The following KCNJ12 variants were observed in gnomAD, a reference collection of about 807,000 sequenced individuals.
KCNJ12 encodes the protein potassium inwardly rectifying channel subfamily J member 12.
Under a neutral mutation model 22.3 loss-of-function variants are expected in KCNJ12, and 2 were observed. That is an observed-to-expected ratio of 0.09 (90% CI 0.04 to 0.28). KCNJ12 has a LOEUF of 0.28. Among genes scored for constraint, KCNJ12 ranks in the 10% least tolerant of loss-of-function variants. The probability of loss-of-function intolerance (pLI) is 1.00; values close to 1 mark genes in which losing one functional copy is unlikely to be tolerated. For synonymous variants in KCNJ12, 117 were observed against 261.4 expected (o/e 0.45, Z 5.33); for missense variants, 155 against 633.3 (o/e 0.24, Z 8.11).
At chr17:21,384,366 G>A (rs1555558406) in intron 1 of KCNJ12, among the ~76,000 whole-genome samples, 1 of 152,172 alleles carries the variant, frequency 6.6e-6, no homozygotes, top group Non-Finnish European at 1.5e-5. Flanking sequence ...GCTGCGTTGA[G>A]ACAGAGATCC....
chr17:21,391,120 T>C (rs1239915065), intron 1 of KCNJ12, among the ~76,000 whole-genome samples: 1 of 152,224 alleles, frequency 6.6e-6, no homozygotes, highest in Non-Finnish European at 1.5e-5. Flanking sequence ...TCGGCCCTGG[T>C]GTGCTGTGCA....
intron 1 of KCNJ12, among the ~76,000 whole-genome samples, chr17:21,381,218 A>C (rs1904856173): frequency 6.6e-6 from 1 of 152,026 alleles, no homozygotes; most frequent in Admixed American, 6.6e-5. Flanking sequence ...TGGGCAGCCA[A>C]AGCCTCCCTC....
intron 1 of KCNJ12, among the ~76,000 whole-genome samples, chr17:21,395,906 G>A (rs1905347332): frequency 6.6e-6 from 1 of 152,234 alleles, no homozygotes; most frequent in Admixed American, 6.5e-5. Flanking sequence ...TTGGTGGGCA[G>A]GGCCATTTCC....
At chr17:21,386,767 A>G (rs1251382180) in intron 1 of KCNJ12, among the ~76,000 whole-genome samples, 1 of 152,116 alleles carries the variant, frequency 6.6e-6, no homozygotes, top group African/African-American at 2.4e-5. Context: ...TGGCCTCCCA[A>G]AGTGCTAGGA....
At chr17:21,414,172 C>T (rs1467454029) in intron 2 of KCNJ12, among the ~76,000 whole-genome samples, 2 of 152,280 alleles carry the variant, frequency 1.3e-5, no homozygotes, top group Non-Finnish European at 2.9e-5. Context: ...CATTCTAGGC[C>T]CTGGGAAGGA....
intron 2 of KCNJ12, among the ~76,000 whole-genome samples, chr17:21,410,264 A>G (rs1597578657): frequency 6.6e-6 from 1 of 152,138 alleles, no homozygotes; most frequent in Non-Finnish European, 1.5e-5. Context: ...CTCACACCCT[A>G]TGTGACGGAG....
chr17:21,388,839 G>A (rs988780827), intron 1 of KCNJ12, among the ~76,000 whole-genome samples: 1 of 152,154 alleles, frequency 6.6e-6, no homozygotes, highest in Non-Finnish European at 1.5e-5. Context: ...GGGAAGCCTC[G>A]GTTCTCTAAA....
intron 1 of KCNJ12, among the ~76,000 whole-genome samples, chr17:21,397,214 G>A (rs1905396020): frequency 6.6e-6 from 1 of 152,186 alleles, no homozygotes; most frequent in Non-Finnish European, 1.5e-5. Flanking sequence ...CGTCCAATGG[G>A]GATAATAGCA....
intron 1 of KCNJ12, among the ~76,000 whole-genome samples, chr17:21,393,975 C>T (rs1437690093): frequency 3.9e-5 from 6 of 152,216 alleles, no homozygotes; most frequent in African/African-American, 1.4e-4. Context: ...ATGCCCCACC[C>T]ATAGGACCCA....
At chr17:21,379,617 C>T (rs1251568318) in intron 1 of KCNJ12, among the ~76,000 whole-genome samples, 2 of 152,202 alleles carry the variant, frequency 1.3e-5, no homozygotes, top group African/African-American at 4.8e-5. Flanking sequence ...GGAGGCTTGG[C>T]TGGCCACATG....
At chr17:21,413,247 G>T (rs1906478719) in intron 2 of KCNJ12, among the ~76,000 whole-genome samples, 1 of 110,852 alleles carries the variant, frequency 9.0e-6, no homozygotes, top group African/African-American at 2.7e-5. Context: ...TATGGGACTG[G>T]GACAAGTCCA....
intron 1 of KCNJ12, among the ~76,000 whole-genome samples, chr17:21,381,002 C>G (rs1904846234): frequency 6.6e-6 from 1 of 152,234 alleles, no homozygotes. Context: ...GACCCCCGCC[C>G]AGCCCTCTAA....
intron 1 of KCNJ12, among the ~76,000 whole-genome samples, chr17:21,389,676 G>A (rs1319824102): frequency 2.0e-5 from 3 of 152,280 alleles, no homozygotes; most frequent in East Asian, 3.9e-4. Flanking sequence ...GGGCAGGGAC[G>A]GTTTCCTGGG....
At chr17:21,410,106 G>A (rs1597578508) in intron 2 of KCNJ12, among the ~76,000 whole-genome samples, 2 of 152,114 alleles carry the variant, frequency 1.3e-5, no homozygotes, top group African/African-American at 4.8e-5. Flanking sequence ...TGCCCAACAC[G>A]TCTTTGCCTC....
At chr17:21,393,104 G>A (rs1914886) in intron 1 of KCNJ12, among the ~76,000 whole-genome samples, 50,977 of 152,020 alleles carry the variant, frequency 0.34, 10,246 homozygotes, top group South Asian at 0.45. Context: ...CGGCCGTACC[G>A]GCTCTCCCTT....
At chr17:21,381,302 A>G (rs1567695507) in intron 1 of KCNJ12, among the ~76,000 whole-genome samples, 1 of 151,900 alleles carries the variant, frequency 6.6e-6, no homozygotes, top group Non-Finnish European at 1.5e-5. Flanking sequence ...CAAACAATAA[A>G]GCTTATGGAG....
At chr17:21,400,155 C>T (rs1395080238) in intron 1 of KCNJ12, among the ~76,000 whole-genome samples, 2 of 152,360 alleles carry the variant, frequency 1.3e-5, no homozygotes, top group East Asian at 1.9e-4. Flanking sequence ...CCAGACCCTT[C>T]CCTGTGGCCT....
At chr17:21,406,578 C>T (rs564049018) in intron 1 of KCNJ12, among the ~76,000 whole-genome samples, 2 of 152,422 alleles carry the variant, frequency 1.3e-5, no homozygotes, top group South Asian at 4.1e-4. Context: ...GACTGAAGGG[C>T]CACTAGAGAC....
chr17:21,397,563 G>T (rs1597566131), intron 1 of KCNJ12, among the ~76,000 whole-genome samples: 1 of 152,240 alleles, frequency 6.6e-6, no homozygotes, highest in East Asian at 1.9e-4. Flanking sequence ...AAGGAGATGG[G>T]AGCTCCTGAA....
Sources: gnomAD v4.1 joint callset for allele counts (sites outside exome capture counted in the v4.1 genomes callset) on GRCh38, gnomAD v4.1.1 for gene constraint, MANE v1.5 for transcripts, NCBI Gene and HGNC (gene_info 2026-07-23, HGNC 2026-07-21) for gene names.